Variants in PCDH15 observed in about 807,000 individuals in gnomAD.
PCDH15 encodes the protein protocadherin related 15, also known as protocadherin-15.
A neutral mutation model predicts 178.5 loss-of-function variants in PCDH15; 129 were observed. That is an observed-to-expected ratio of 0.72 (90% confidence interval 0.63 to 0.84). PCDH15 has a LOEUF of 0.84. PCDH15 is among the 40% of genes least tolerant of loss of function. The probability of loss-of-function intolerance (pLI) is 0.00; values close to 1 mark genes in which losing one functional copy is unlikely to be tolerated. For synonymous variants in PCDH15, 800 were observed against 732.0 expected (o/e 1.09, Z -1.50); for missense variants, 2,230 against 2,099.9 (o/e 1.06, Z -1.21).
intron 16 of PCDH15, among the ~76,000 whole-genome samples, chr10:54,088,066 G>A (rs929574345): frequency 1.3e-5 from 2 of 152,130 alleles, no homozygotes; most frequent in East Asian, 1.9e-4. Context: ...CTGCAGAACC[G>A]TGAGGCAATT....
intron 2 of PCDH15, among the ~76,000 whole-genome samples, chr10:55,472,267 TA>T (rs1174316865): frequency 1.3e-5 from 2 of 152,144 alleles, no homozygotes; most frequent in African/African-American, 4.8e-5. Flanking sequence ...CCATTTAAAT[TA>T]AATATTTTTT....
chr10:53,863,391 G>T (rs2079229904), intron 27 of PCDH15, among the ~76,000 whole-genome samples: 1 of 152,032 alleles, frequency 6.6e-6, no homozygotes, highest in South Asian at 2.1e-4. Context: ...GCATAGTGAG[G>T]GTAATAGTCA....
chr10:54,424,012 A>G (rs1020028527), intron 3 of PCDH15, among the ~76,000 whole-genome samples: 13 of 151,952 alleles, frequency 8.6e-5, no homozygotes, highest in Middle Eastern at 3.2e-3. Context: ...AAATTGACAA[A>G]TGGGATCTAA....
intron 1 of PCDH15, among the ~76,000 whole-genome samples, chr10:54,750,095 T>TCTCTCTTTCTCTCTTTCTCTC (rs1946011978): frequency 6.6e-6 from 1 of 152,000 alleles, no homozygotes; most frequent in Admixed American, 6.6e-5. Flanking sequence ...CCTTGCTCTG[T>TCTCTCTTTCTCTCTTTCTCTC]CTCTCTTTCT....
chr10:55,325,445 G>T (rs993474419), intron 2 of PCDH15, among the ~76,000 whole-genome samples: 1 of 151,970 alleles, frequency 6.6e-6, no homozygotes, highest in Non-Finnish European at 1.5e-5. Flanking sequence ...CTTTGACAAA[G>T]TCAACAAAAA....
In PCDH15 at chr10:53,840,226, G is replaced by T. The variant is rs547606428; in HGVS notation, c.3983+94C>A. On this transcript the variant is annotated intron_variant, in intron 29 of 37. Transcript: ENST00000644397. ...TTCACTTTCAGTAACTATTTGGTGGGTTTTAAACTTTAAGTACTTATAGCC... is the reference window on the plus strand; with the variant it reads ...TTCACTTTCAGTAACTATTTGGTGGTTTTTAAACTTTAAGTACTTATAGCC... 5 of 1,417,684 alleles carry T rather than the reference G, an allele frequency of 3.5e-6. No individual in the cohort carries two copies. In the East Asian group the frequency reaches 6.8e-5, roughly 19 times the overall value. 87.8% of individuals were successfully genotyped at this position (1,417,684 alleles called of 1,614,324 possible).
intron 2 of PCDH15, among the ~76,000 whole-genome samples, chr10:55,453,854 C>G (rs1475791783): frequency 6.6e-6 from 1 of 152,030 alleles, no homozygotes; most frequent in African/African-American, 2.4e-5. Flanking sequence ...GACTATCCCT[C>G]GAGGATATCT....
chr10:55,108,274 A>T (rs1262708349), intron 2 of PCDH15, among the ~76,000 whole-genome samples: 1 of 152,234 alleles, frequency 6.6e-6, no homozygotes, highest in Non-Finnish European at 1.5e-5. Flanking sequence ...TGAATAAATT[A>T]TCCAAGATAC....
chr10:53,865,890 T>C (rs2079416291), intron 27 of PCDH15, among the ~76,000 whole-genome samples: 1 of 152,208 alleles, frequency 6.6e-6, no homozygotes. Context: ...CAAATATTTC[T>C]AATGAATATA....
intron 25 of PCDH15, among the ~76,000 whole-genome samples, chr10:53,908,116 G>T (rs2133733315): frequency 6.6e-6 from 1 of 152,206 alleles, no homozygotes; most frequent in East Asian, 1.9e-4. Flanking sequence ...GGATCAATTT[G>T]GCTGCTCTAG....
chr10:54,806,753 G>C (rs1190683254), intron 3 of PCDH15, among the ~76,000 whole-genome samples: 1 of 152,090 alleles, frequency 6.6e-6, no homozygotes, highest in Non-Finnish European at 1.5e-5. Flanking sequence ...AAGAATTCTG[G>C]GATTACAGGT....
At chr10:54,837,005 G>A (rs937324265) in intron 3 of PCDH15, among the ~76,000 whole-genome samples, 1 of 151,922 alleles carries the variant, frequency 6.6e-6, no homozygotes, top group Non-Finnish European at 1.5e-5. Context: ...ACAAAACGAA[G>A]AATATTTTTG....
intron 15 of PCDH15, among the ~76,000 whole-genome samples, chr10:54,132,620 C>A (rs915019329): frequency 1.3e-5 from 2 of 152,140 alleles, no homozygotes; most frequent in African/African-American, 4.8e-5. Context: ...TCATTCTCTC[C>A]TGTAATGATT....
At chr10:55,530,708 G>A (rs536797910) in intron 2 of PCDH15, among the ~76,000 whole-genome samples, 4 of 151,626 alleles carry the variant, frequency 2.6e-5, no homozygotes, top group African/African-American at 9.7e-5. Context: ...GTCTTTTGGG[G>A]GCCTGAACAT....
intron 2 of PCDH15, among the ~76,000 whole-genome samples, chr10:55,011,776 G>T (rs978053033): frequency 1.3e-5 from 2 of 151,300 alleles, no homozygotes; most frequent in South Asian, 2.1e-4. Context: ...TTTAAACATC[G>T]AAATGAAAAA....
At chr10:55,492,548 C>A (rs1565192857) in intron 2 of PCDH15, among the ~76,000 whole-genome samples, 1 of 151,710 alleles carries the variant, frequency 6.6e-6, no homozygotes, top group Non-Finnish European at 1.5e-5. Context: ...AGAAAGTAAA[C>A]AAATAGTCAA....
intron 1 of PCDH15, among the ~76,000 whole-genome samples, chr10:54,758,892 A>C (rs1236475669): frequency 6.6e-6 from 1 of 151,842 alleles, no homozygotes; most frequent in Non-Finnish European, 1.5e-5. Flanking sequence ...CATCTTTCCA[A>C]TTTTTCTGAC....
chr10:54,853,289 G>GTGTATATATATA (rs1249570811), intron 3 of PCDH15, among the ~76,000 whole-genome samples: 30 of 102,544 alleles, frequency 2.9e-4, no homozygotes, highest in South Asian at 1.1e-3. Flanking sequence ...ATGTATGTGT[G>GTGTATATATATA]TATATATATA....
intron 2 of PCDH15, among the ~76,000 whole-genome samples, chr10:55,494,284 C>CT (rs1840485911): frequency 2.6e-5 from 4 of 151,552 alleles, no homozygotes. Flanking sequence ...TTCATATAGC[C>CT]ACTTTAGCTC....
Sources: gnomAD v4.1 joint callset for allele counts (sites outside exome capture counted in the v4.1 genomes callset) on GRCh38, gnomAD v4.1.1 for gene constraint, MANE v1.5 for transcripts, NCBI Gene and HGNC (gene_info 2026-07-23, HGNC 2026-07-21) for gene names.